Variants in PARD3B observed in about 807,000 individuals in gnomAD.
PARD3B encodes the protein par-3 family cell polarity regulator beta, also known as partitioning defective 3 homolog B.
In PARD3B, 103 loss-of-function variants were observed where a neutral mutation model predicts 130.2. That is an observed-to-expected ratio of 0.79 (90% CI 0.67 to 0.93). PARD3B has a LOEUF of 0.93. Among genes scored for constraint, PARD3B ranks in the 40% least tolerant of loss-of-function variants. The pLI is 0.00. For synonymous variants in PARD3B, 583 were observed against 553.2 expected (o/e 1.05, Z -0.76); for missense variants, 1,609 against 1,499.2 (o/e 1.07, Z -1.21).
intron 2 of PARD3B, among the ~76,000 whole-genome samples, chr2:204,946,228 C>G (rs1289332476): frequency 6.6e-6 from 1 of 152,176 alleles, no homozygotes; most frequent in African/African-American, 2.4e-5. Flanking sequence ...GTTCTTAACA[C>G]AGTGCTTGGC....
intron 19 of PARD3B, among the ~76,000 whole-genome samples, chr2:205,434,116 C>A (rs954706785): frequency 6.6e-6 from 1 of 152,170 alleles, no homozygotes; most frequent in Non-Finnish European, 1.5e-5. Context: ...TATACTTCCA[C>A]CAGCAGTGTG....
chr2:204,879,303 G>A (rs2045954969), intron 2 of PARD3B, among the ~76,000 whole-genome samples: 1 of 152,150 alleles, frequency 6.6e-6, no homozygotes, highest in African/African-American at 2.4e-5. Context: ...AGTTGGTTTT[G>A]GTGCTTGGGG....
At chr2:204,918,075 G>A (rs1396654162) in intron 2 of PARD3B, among the ~76,000 whole-genome samples, 4 of 152,112 alleles carry the variant, frequency 2.6e-5, no homozygotes, top group Non-Finnish European at 5.9e-5. Flanking sequence ...GTTTTGATGG[G>A]CATTCTGACA....
chr2:204,677,103 C>T lies in PARD3B; in HGVS notation c.121-9078C>T, dbSNP rs1164542139. Among the ~76,000 whole-genome samples, 1 of 152,122 alleles carries T rather than the reference C, an allele frequency of 6.6e-6. No homozygotes were observed. Among genetic ancestry groups the T allele is most frequent in the Non-Finnish European group, 1.5e-5 (1 of 68,030 alleles). ...AGGCTTTTAGTTGGATTGGAGATCT[C>T]CTATGGTCATTTAACTCTCTGCTGT... On this transcript the variant is annotated intron_variant, in intron 1 of 22. Transcript: ENST00000406610. The surrounding 1 kb of genome is among the most constrained non-coding windows in gnomAD (Gnocchi z 4.1).
chr2:205,474,253 A>G (rs1301860645), intron 20 of PARD3B, among the ~76,000 whole-genome samples: 1 of 152,060 alleles, frequency 6.6e-6, no homozygotes, highest in African/African-American at 2.4e-5. Flanking sequence ...GCTAAGGAAG[A>G]AAAAAATAAA....
intron 4 of PARD3B, among the ~76,000 whole-genome samples, chr2:205,053,017 G>T (rs1699340719): frequency 6.6e-6 from 1 of 152,072 alleles, no homozygotes; most frequent in Non-Finnish European, 1.5e-5. Context: ...GGGGCTTTTG[G>T]TATGTTATCA....
chr2:204,699,138 T>G (rs2125272110), intron 2 of PARD3B, among the ~76,000 whole-genome samples: 1 of 152,178 alleles, frequency 6.6e-6, no homozygotes, highest in African/African-American at 2.4e-5. Flanking sequence ...CATATGACTC[T>G]TTTCTTCTGA....
intron 20 of PARD3B, among the ~76,000 whole-genome samples, chr2:205,455,990 T>A (rs1427481463): frequency 1.3e-5 from 2 of 152,146 alleles, no homozygotes; most frequent in African/African-American, 4.8e-5. Context: ...ATCTGTTTTC[T>A]GTCCATAATT....
At chr2:205,434,129 A>G (rs1281574415) in intron 19 of PARD3B, among the ~76,000 whole-genome samples, 1 of 152,178 alleles carries the variant, frequency 6.6e-6, no homozygotes, top group Non-Finnish European at 1.5e-5. Flanking sequence ...GCAGTGTGTG[A>G]ATGTTCTGGA....
At chr2:205,123,931 G>A (rs1007242230) in intron 8 of PARD3B, among the ~76,000 whole-genome samples, 3 of 152,140 alleles carry the variant, frequency 2.0e-5, no homozygotes, top group African/African-American at 7.2e-5. Context: ...CAAGTAGAGG[G>A]CTCAGCCATA....
At chr2:205,235,024 G>A (rs192085457) in intron 15 of PARD3B, among the ~76,000 whole-genome samples, 2 of 152,248 alleles carry the variant, frequency 1.3e-5, no homozygotes, top group East Asian at 3.9e-4. Flanking sequence ...AAATGTGTGG[G>A]ATAAGAAAAA....
intron 2 of PARD3B, among the ~76,000 whole-genome samples, chr2:204,796,972 C>A (rs924128852): frequency 6.6e-6 from 1 of 151,830 alleles, no homozygotes; most frequent in Non-Finnish European, 1.5e-5. Flanking sequence ...GTCTGGAGTT[C>A]GAGACCAGCC....
At chr2:205,489,549 T>TATATATATAC (rs1400390506) in intron 20 of PARD3B, among the ~76,000 whole-genome samples, 5 of 72,114 alleles carry the variant, frequency 6.9e-5, no homozygotes, top group East Asian at 4.3e-4. Flanking sequence ...CATATATATG[T>TATATATATAC]ATATATATAC....
chr2:205,507,633 T>G (rs1344235709), intron 21 of PARD3B, among the ~76,000 whole-genome samples: 1 of 151,840 alleles, frequency 6.6e-6, no homozygotes, highest in East Asian at 1.9e-4. Context: ...CAAAGGAAAA[T>G]CAAGGTGCTG....
In PARD3B at chr2:205,615,607, C is replaced by T. The variant is rs766956800; in HGVS notation, c.3412C>T (p.Arg1138Trp). 6.8e-6 allele frequency: 11 copies of T among 1,614,018 alleles called. No homozygotes were observed. The highest frequency in any genetic ancestry group is 2.2e-5 in the East Asian group (1 of 44,854). Reference sequence around the variant, plus strand: ...CACAGAGCTCAGGGTGGCAGATCTCCGGTATCCTCAGCACTACCCACCCCC... The same window carrying T: ...CACAGAGCTCAGGGTGGCAGATCTCTGGTATCCTCAGCACTACCCACCCCC... Reference protein sequence around the residue: ...RPTELRVADLRYPQHYPPPPA... With the variant: ...RPTELRVADLWYPQHYPPPPA... Residue 1138 changes from arginine (R) to tryptophan (W), a missense_variant, in exon 23 of 23, where the codon CGG becomes TGG. Arg to Trp is a moderately radical substitution (Grantham distance 101, BLOSUM62 -3). Coordinates refer to ENST00000406610, the MANE Select transcript of PARD3B (RefSeq NM_001302769.2).
At chr2:205,267,626 A>G (rs931179833) in intron 16 of PARD3B, among the ~76,000 whole-genome samples, 2 of 152,140 alleles carry the variant, frequency 1.3e-5, no homozygotes, top group Non-Finnish European at 1.5e-5. Flanking sequence ...ATGTCATGGT[A>G]TGCCCTAATT....
chr2:205,481,580 A>C (rs1057321078), intron 20 of PARD3B, among the ~76,000 whole-genome samples: 3 of 152,242 alleles, frequency 2.0e-5, no homozygotes, highest in Non-Finnish European at 4.4e-5. Flanking sequence ...GGGAGAAACG[A>C]AGCCAACAAT....
At chr2:204,941,493 T>G (rs756170649) in intron 2 of PARD3B, among the ~76,000 whole-genome samples, 2 of 152,234 alleles carry the variant, frequency 1.3e-5, no homozygotes, top group Admixed American at 6.5e-5. Context: ...GAATTTTGTT[T>G]TGTTTTCTCC....
At chr2:205,222,624 G>A (rs970820710) in intron 15 of PARD3B, among the ~76,000 whole-genome samples, 1 of 152,184 alleles carries the variant, frequency 6.6e-6, no homozygotes, top group East Asian at 1.9e-4. Context: ...TTTTCCATCA[G>A]TTAATAGTGA....
Sources: gnomAD v4.1 joint callset for allele counts (sites outside exome capture counted in the v4.1 genomes callset) on GRCh38, gnomAD v4.1.1 for gene constraint, Gnocchi (gnomAD v3.1) non-coding constraint, MANE v1.5 for transcripts, NCBI Gene and HGNC (gene_info 2026-07-23, HGNC 2026-07-21) for gene names.